The following TUSC3 variants were observed in gnomAD, a reference collection of about 807,000 sequenced individuals.
TUSC3 encodes dolichyl-diphosphooligosaccharide--protein glycosyltransferase subunit TUSC3.
In TUSC3, 45 loss-of-function variants were observed where a neutral mutation model predicts 44.8. The observed-to-expected ratio is 1.00, with a 90% CI of 0.79 to 1.29. The LOEUF (loss-of-function observed/expected upper bound fraction) is 1.29. Among genes scored for constraint, TUSC3 ranks in the 50% most tolerant of loss-of-function variants. TUSC3 has a pLI of 0.00. For synonymous variants in TUSC3, 212 were observed against 152.9 expected, an observed-to-expected ratio of 1.39 and a Z score of -2.85; for missense variants, 519 against 437.9, an observed-to-expected ratio of 1.19 and a Z score of -1.65.
At chr8:15,566,854 A>T (rs1203103739) in intron 1 of TUSC3, among the ~76,000 whole-genome samples, 4 of 152,030 alleles carry the variant, frequency 2.6e-5, no homozygotes, top group Non-Finnish European at 5.9e-5. Flanking sequence ...GCTGCTCTTA[A>T]ATTTCTGGGA....
At chr8:15,719,516 CCACACACACA>C (rs56066329) in intron 6 of TUSC3, among the ~76,000 whole-genome samples, 20 of 16,240 alleles carry the variant, frequency 1.2e-3, no homozygotes, top group African/African-American at 2.1e-3. Context: ...CACACACACA[CCACACACACA>C]CACACACACA....
intron 1 of TUSC3, among the ~76,000 whole-genome samples, chr8:15,432,591 A>G (rs893619266): frequency 6.6e-6 from 1 of 152,180 alleles, no homozygotes; most frequent in Non-Finnish European, 1.5e-5. Context: ...GACATGGTGT[A>G]CTGATAAAAG....
At chr8:15,434,740 G>A (rs1340398388) in intron 1 of TUSC3, among the ~76,000 whole-genome samples, 2 of 151,466 alleles carry the variant, frequency 1.3e-5, no homozygotes, top group Non-Finnish European at 2.9e-5. Context: ...CTGTGTCCGT[G>A]TGTTCTCATT....
At chr8:15,582,168 C>T (rs555592179) in intron 1 of TUSC3, among the ~76,000 whole-genome samples, 50 of 152,336 alleles carry the variant, frequency 3.3e-4, no homozygotes, top group African/African-American at 1.2e-3. Context: ...TGCTTCGGCT[C>T]GCGCATGGTG....
intron 4 of TUSC3, among the ~76,000 whole-genome samples, chr8:15,659,917 G>T (rs554393080): frequency 6.6e-6 from 1 of 151,986 alleles, no homozygotes; most frequent in Non-Finnish European, 1.5e-5. Context: ...CGTTTAAAAC[G>T]TTTCAGTGGT....
intron 1 of TUSC3, among the ~76,000 whole-genome samples, chr8:15,615,097 T>C (rs1184610289): frequency 6.6e-6 from 1 of 152,132 alleles, no homozygotes; most frequent in Non-Finnish European, 1.5e-5. Context: ...TATTCAGCAA[T>C]CTCAATGATG....
chr8:15,619,803 C>T (rs1295875547), intron 1 of TUSC3, among the ~76,000 whole-genome samples: 2 of 152,124 alleles, frequency 1.3e-5, no homozygotes, highest in South Asian at 2.1e-4. Context: ...AGCCACCGTG[C>T]CCGGCCTATT....
chr8:15,701,596 A>G (rs1014950104), intron 6 of TUSC3, among the ~76,000 whole-genome samples: 1 of 152,166 alleles, frequency 6.6e-6, no homozygotes, highest in Non-Finnish European at 1.5e-5. Flanking sequence ...CAATGTCATC[A>G]ATCTGTTAAT....
chr8:15,707,886 C>T (rs557152169), intron 6 of TUSC3, among the ~76,000 whole-genome samples: 1 of 151,930 alleles, frequency 6.6e-6, no homozygotes, highest in African/African-American at 2.4e-5. Context: ...AGGAAAGAAC[C>T]ATCCCATGCC....
intron 1 of TUSC3, among the ~76,000 whole-genome samples, chr8:15,585,694 T>C (rs535683196): frequency 4.5e-4 from 68 of 152,276 alleles, no homozygotes; most frequent in African/African-American, 1.5e-3. Context: ...GAATTTTCCA[T>C]TGTGGGACTA....
intron 6 of TUSC3, among the ~76,000 whole-genome samples, chr8:15,725,741 G>A (rs1810471876): frequency 6.6e-6 from 1 of 152,056 alleles, no homozygotes; most frequent in African/African-American, 2.4e-5. Flanking sequence ...TTAACAATTT[G>A]AAGTTTAGAG....
chr8:15,551,503 CTGTG>C (rs1291178929), intron 1 of TUSC3, among the ~76,000 whole-genome samples: 1 of 151,644 alleles, frequency 6.6e-6, no homozygotes, highest in Non-Finnish European at 1.5e-5. Context: ...TGTGGCTGAG[CTGTG>C]TAAGTTCTTT....
intron 1 of TUSC3, among the ~76,000 whole-genome samples, chr8:15,549,172 ATTTAT>A (rs1252952695): frequency 6.6e-6 from 1 of 151,546 alleles, no homozygotes; most frequent in Non-Finnish European, 1.5e-5. Flanking sequence ...AAAAGTACTT[ATTTAT>A]TTTATTTTAT....
At chr8:15,845,472 C>G in the TUSC3 span, among the ~76,000 whole-genome samples, 1 of 152,070 alleles carries the variant, frequency 6.6e-6, no homozygotes, top group Non-Finnish European at 1.5e-5. Flanking sequence ...ATTTCCGTTC[C>G]CCAAAAGATT....
At chr8:15,616,894 G>A (rs1406614927) in intron 1 of TUSC3, among the ~76,000 whole-genome samples, 1 of 152,150 alleles carries the variant, frequency 6.6e-6, no homozygotes, top group South Asian at 2.1e-4. Context: ...TAGAACTGCA[G>A]TTGGCACAGA....
chr8:15,718,276 G>C (rs888259192), intron 6 of TUSC3, among the ~76,000 whole-genome samples: 2 of 152,104 alleles, frequency 1.3e-5, no homozygotes, highest in Non-Finnish European at 2.9e-5. Flanking sequence ...AGTGGCAGTA[G>C]AGAATAGGAA....
At chr8:15,548,014 G>C (rs1396800435) in intron 1 of TUSC3, among the ~76,000 whole-genome samples, 1 of 148,892 alleles carries the variant, frequency 6.7e-6, no homozygotes, top group South Asian at 2.2e-4. Context: ...TTTTTCTTCT[G>C]TGAGAAGATA....
At chr8:15,551,700 T>C (rs1197911542) in intron 1 of TUSC3, among the ~76,000 whole-genome samples, 1 of 151,766 alleles carries the variant, frequency 6.6e-6, no homozygotes, top group Non-Finnish European at 1.5e-5. Flanking sequence ...AAGTTATTTG[T>C]CTTAGTCATT....
At chr8:15,521,044 C>A (rs1367090175) in intron 2 of TUSC3, among the ~76,000 whole-genome samples, 1 of 152,180 alleles carries the variant, frequency 6.6e-6, no homozygotes, top group African/African-American at 2.4e-5. Flanking sequence ...AACATTGAGT[C>A]CAGCTTGACG....
Sources: allele counts gnomAD v4.1 joint callset (sites outside exome capture counted in the v4.1 genomes callset), GRCh38; gene constraint gnomAD v4.1.1; transcripts MANE v1.5; gene names NCBI Gene and HGNC (gene_info 2026-07-23, HGNC 2026-07-21).